The following IGFBP1 variants were observed in gnomAD, a reference collection of about 807,000 sequenced individuals.
IGFBP1 encodes insulin like growth factor binding protein 1.
Under a neutral mutation model 23.1 loss-of-function variants are expected in IGFBP1, and 31 were observed. That is an observed-to-expected ratio of 1.34 (90% CI 1.01 to 1.81). IGFBP1 has a LOEUF of 1.81. Ranked by LOEUF, IGFBP1 falls within the 40% of genes most tolerant of loss-of-function variation. IGFBP1 has a pLI of 0.00. For synonymous variants in IGFBP1, 148 were observed against 145.5 expected (o/e 1.02, Z -0.13); for missense variants, 333 against 342.2 (o/e 0.97, Z 0.21).
intron 3 of IGFBP1, among the ~76,000 whole-genome samples, chr7:45,892,486 C>G (rs750918658): frequency 1.3e-5 from 2 of 152,200 alleles, no homozygotes; most frequent in South Asian, 2.1e-4. Flanking sequence ...TAATAAAACA[C>G]AACAACATTT....
Position 45,891,927 on chromosome 7 carries a change from C to T in IGFBP1, c.520-5C>T. 1 of 1,610,492 alleles carries T rather than the reference C, an allele frequency of 6.2e-7. No homozygotes were observed. The highest frequency in any genetic ancestry group is 8.5e-7 in the Non-Finnish European group (1 of 1,178,208). On this transcript the variant is annotated splice_region_variant and splice_polypyrimidine_tract_variant and intron_variant, in intron 2 of 3. Coordinates refer to ENST00000275525, the MANE Select transcript of IGFBP1 (RefSeq NM_000596.4). ...AGATATGCTAATGTCAAGTTATTCT[C>T]TTAGGAGCCCTGCCGAATAGAACTC...
At position 45,891,854 on chromosome 7, in the gene IGFBP1, C is replaced by T; in HGVS notation, c.520-78C>T. ...TAGGGCCACTCCTGCTTCTACAAAACCTCTTCCATCAGTCATTGTCTAGGC... is the reference window on the plus strand; with the variant it reads ...TAGGGCCACTCCTGCTTCTACAAAATCTCTTCCATCAGTCATTGTCTAGGC... On this transcript the variant is annotated intron_variant, in intron 2 of 3. Coordinates refer to ENST00000275525, the MANE Select transcript of IGFBP1 (RefSeq NM_000596.4). The T allele has an allele frequency of 6.2e-6, 9 of 1,444,352 alleles. 1 individual carries two copies. The South Asian group carries it at 6.7e-5, about 11-fold the overall frequency. 89.5% of individuals were successfully genotyped at this position (1,444,352 alleles called of 1,614,324 possible).
rs960659803 is a variant in IGFBP1 at position 45,893,382 on chromosome 7, A to C, written c.*291A>C. ...AGTAATTGCATTTCTGCTCTTCCAA[A>C]GCTCCTGCGTCTGTTTTTAAAGAGC... On this transcript the variant is annotated 3_prime_UTR_variant, in exon 4 of 4. Transcript: ENST00000275525. The C allele has an allele frequency of 1.3e-5, 2 of 154,726 alleles. No individual in the cohort carries two copies. The highest frequency in any genetic ancestry group is 3.7e-4 in the East Asian group (2 of 5,366). 9.6% of individuals were successfully genotyped at this position (154,726 alleles called of 1,614,324 possible). A position where few individuals can be genotyped will look rare whatever the true frequency, so the allele number is the denominator to read the frequency against.
intron 1 of IGFBP1, among the ~76,000 whole-genome samples, chr7:45,889,894 T>C (rs1333366294): frequency 6.6e-6 from 1 of 152,192 alleles, no homozygotes; most frequent in Non-Finnish European, 1.5e-5. Flanking sequence ...GTCGTCTCAC[T>C]GATCCTCAAG....
chr7:45,890,430 GA>G, intron 1 of IGFBP1, 117 bp from the exon 2 acceptor site: 1 of 1,017,978 alleles, frequency 9.8e-7, no homozygotes, highest in Non-Finnish European at 1.4e-6. Flanking sequence ...TCAGGTTAGG[GA>G]ATGTGGCCAT....
At position 45,888,677 on chromosome 7, in the gene IGFBP1, G is replaced by A; in HGVS notation, c.25G>A (p.Val9Ile). 2 of 1,598,208 alleles carry A rather than the reference G, an allele frequency of 1.3e-6. No homozygotes were observed. Among genetic ancestry groups the A allele is most frequent in the Non-Finnish European group, 1.7e-6 (2 of 1,179,526 alleles). The change falls in exon 1 of 4, where the codon GTC becomes ATC. Residue 9 changes from valine (V) to isoleucine (I), a missense_variant. Val to Ile is a conservative substitution (Grantham distance 29, BLOSUM62 3). Coordinates refer to ENST00000275525, the MANE Select transcript of IGFBP1 (RefSeq NM_000596.4). ...GATGTCAGAGGTCCCCGTTGCTCGC[G>A]TCTGGCTGGTACTGCTCCTGCTGAC... MSEVPVAR[V>I]WLVLLLLTVQ... is the part of the protein sequence containing the mutation.
At chr7:45,892,582 C>T (rs1787095907) in intron 3 of IGFBP1, among the ~76,000 whole-genome samples, 1 of 152,172 alleles carries the variant, frequency 6.6e-6, no homozygotes, top group South Asian at 2.1e-4. Flanking sequence ...AGTACAGGTT[C>T]TGTAGATTTT....
intron 3 of IGFBP1, among the ~76,000 whole-genome samples, 159 bp from the exon 4 acceptor site, chr7:45,892,801 G>T (rs1331075820): frequency 6.6e-6 from 1 of 152,234 alleles, no homozygotes; most frequent in African/African-American, 2.4e-5. Flanking sequence ...AACCAGGAGG[G>T]TGTGAGATTT....
chr7:45,890,814 T>C, intron 2 of IGFBP1, 97 bp downstream of exon 2: 1 of 1,049,668 alleles, frequency 9.5e-7, no homozygotes, highest in Non-Finnish European at 1.4e-6. Context: ...TTCCTGGTCC[T>C]GATGCCCTGG....
At position 45,888,803 on chromosome 7, in the gene IGFBP1, G is replaced by A; in HGVS notation, c.151G>A (p.Val51Ile). The A allele has an allele frequency of 6.4e-7, 1 of 1,568,372 alleles. No individual in the cohort carries two copies. Among genetic ancestry groups the A allele is most frequent in the East Asian group, 2.3e-5 (1 of 42,756 alleles). ...CPPVSASCSE[V>I]TRSAGCGCCP... The stretch of plus-strand genomic sequence containing the variant: ...GCCGGTGTCCGCCTCGTGCTCGGAG[G>A]TCACCCGGTCCGCCGGCTGCGGCTG... The change falls in exon 1 of 4, where the codon GTC becomes ATC. Residue 51 changes from valine (V) to isoleucine (I), a missense_variant. Physicochemically the swap from Val to Ile is conservative, Grantham distance 29. Transcript: ENST00000275525.
In IGFBP1 at chr7:45,888,562, C is replaced by T. The variant is rs1787015085; in HGVS notation, c.-91C>T. The T allele has an allele frequency of 8.9e-7, 1 of 1,128,888 alleles. No individual in the cohort carries two copies. The highest frequency in any genetic ancestry group is 1.3e-6 in the Non-Finnish European group (1 of 782,820). 69.9% of individuals were successfully genotyped at this position (1,128,888 alleles called of 1,614,324 possible). On this transcript the variant is annotated 5_prime_UTR_variant, in exon 1 of 4. Transcript: ENST00000275525. Reference sequence around the variant, plus strand: ...CACCCTCCCAGAGAGCACTGGCCACCGCTCCACCATCACTTGCCCAGAGTT... The same window carrying T: ...CACCCTCCCAGAGAGCACTGGCCACTGCTCCACCATCACTTGCCCAGAGTT...
intron 1 of IGFBP1, among the ~76,000 whole-genome samples, chr7:45,889,374 C>G (rs9658198): frequency 3.9e-5 from 6 of 152,154 alleles, no homozygotes; most frequent in Admixed American, 6.5e-5. Flanking sequence ...ACCCTGGGTC[C>G]CCCACCAGTC....
At position 45,892,964 on chromosome 7, in the gene IGFBP1, A is replaced by T. The variant is rs117054298; in HGVS notation, c.653A>T (p.Glu218Val). 2,997 of 1,611,978 alleles carry T rather than the reference A, an allele frequency of 1.9e-3. 8 individuals are homozygous for T. The highest frequency in any genetic ancestry group is 2.6e-3 in the South Asian group (235 of 90,850). The stretch of plus-strand genomic sequence containing the variant: ...ACCTTGGTCTTGTCTTTGCAGTGTG[A>T]GACATCCATGGATGGAGAGGCGGGA... ...KNGFYHSRQC[E>V]TSMDGEAGLC... is the part of the protein sequence containing the mutation. Residue 218 changes from glutamate to valine, a missense_variant, in exon 4 of 4, where the codon GAG becomes GTG. By Grantham distance (121) the Glu-to-Val change is moderately radical (BLOSUM62 -2). Coordinates refer to ENST00000275525, the MANE Select transcript of IGFBP1 (RefSeq NM_000596.4).
chr7:45,891,529 C>T (rs1327486973), intron 2 of IGFBP1, among the ~76,000 whole-genome samples: 1 of 152,234 alleles, frequency 6.6e-6, no homozygotes, highest in Non-Finnish European at 1.5e-5. Flanking sequence ...TATTCAAAAT[C>T]TAGAAATGTC....
chr7:45,893,082 A>G lies in IGFBP1; in HGVS notation c.771A>G (p.Val257=). 6.2e-7 allele frequency: 1 copy of G among 1,609,134 alleles called. No individual in the cohort carries two copies. The highest frequency in any genetic ancestry group is 8.5e-7 in the Non-Finnish European group (1 of 1,175,776). ...CCAACTGCCAGATATATTTTAATGT[A>G]CAAAACTGAAACCAGATGAAATAAT... The part of the protein sequence containing the change: ...GDPNCQIYFN[V]QN The change falls in exon 4 of 4, where the codon GTA becomes GTG. Residue 257 remains valine, a synonymous_variant. Coordinates refer to ENST00000275525, the MANE Select transcript of IGFBP1 (RefSeq NM_000596.4).
chr7:45,890,608 A>T lies in IGFBP1; in HGVS notation c.410A>T (p.Asn137Ile). 1 of 1,613,854 alleles carries T rather than the reference A, an allele frequency of 6.2e-7. No individual in the cohort carries two copies. The highest frequency in any genetic ancestry group is 1.1e-5 in the South Asian group (1 of 91,060). Residue 137 changes from asparagine (N) to isoleucine (I), a missense_variant, in exon 2 of 4, where the codon AAT becomes ATT. Transcript: ENST00000275525. ...TEITEEELLD[N>I]FHLMAPSEED... is the part of the protein sequence containing the mutation. ...ATAACTGAGGAGGAGCTCCTGGATA[A>T]TTTCCATCTGATGGCCCCTTCTGAA...
Position 45,888,960 on chromosome 7 carries a change from C to T in IGFBP1, c.308C>T (p.Ala103Val), listed in dbSNP as rs768208775. Residue 103 changes from alanine (A) to valine (V), a missense_variant, in exon 1 of 4, where the codon GCC becomes GTC. Physicochemically the swap from Ala to Val is moderately conservative, Grantham distance 64 (BLOSUM62 0). Coordinates refer to ENST00000275525, the MANE Select transcript of IGFBP1 (RefSeq NM_000596.4). ...PLHALTRGQG[A>V]CVQESDASAP... The stretch of plus-strand genomic sequence containing the variant: ...CACGCCCTCACCCGCGGCCAAGGCG[C>T]CTGCGTGCAGGAGTCTGACGCCTCC... 30 of 1,521,030 alleles carry T rather than the reference C, an allele frequency of 2.0e-5. 1 individual carries two copies. In the South Asian group the frequency reaches 2.9e-4, roughly 15 times the overall value. The allele number at this position is 1,521,030 out of a possible 1,614,324, so 94.2% of individuals were successfully genotyped here. A position where few individuals can be genotyped will look rare whatever the true frequency, so the allele number is the denominator to read the frequency against.
Position 45,889,882 on chromosome 7 carries a change from GA to G in IGFBP1, c.350-665del, listed in dbSNP as rs9658202. ...TCTGCCCTTCAGAGGAAATGAAAGGGAGTCGTCTCACTGATCCTCAAGGAGA... is the reference window on the plus strand; with the variant it reads ...TCTGCCCTTCAGAGGAAATGAAAGGGGTCGTCTCACTGATCCTCAAGGAGA... On this transcript the variant is annotated intron_variant, in intron 1 of 3. Transcript: ENST00000275525. Among the ~76,000 whole-genome samples the G allele has an allele frequency of 6.1e-3, 924 of 152,272 alleles. 8 individuals are homozygous for G. Among genetic ancestry groups the G allele is most frequent in the Non-Finnish European group, 9.1e-3 (618 of 68,028 alleles).
rs561574103 is a variant in IGFBP1, at chr7:45,890,506, G to A, written c.350-42G>A. 10 of 1,555,528 alleles carry A rather than the reference G, an allele frequency of 6.4e-6. 1 individual carries two copies. The Admixed American group carries it at 1.9e-4, about 30-fold the overall frequency. On this transcript the variant is annotated intron_variant, in intron 1 of 3. Transcript: ENST00000275525. ...TCCTGGGGGCCCGAAAGGGGCAGAT[G>A]CTTTGGGAGGGCTCATGGGGTCTGC...
Sources: gnomAD v4.1 joint callset for allele counts (sites outside exome capture counted in the v4.1 genomes callset) on GRCh38, gnomAD v4.1.1 for gene constraint, MANE v1.5 for transcripts, NCBI Gene and HGNC (gene_info 2026-07-23, HGNC 2026-07-21) for gene names.